Variants in MAGT1 observed in about 807,000 individuals in gnomAD.
MAGT1 encodes dolichyl-diphosphooligosaccharide--protein glycosyltransferase subunit MAGT1.
Under a neutral mutation model 28.4 loss-of-function variants are expected in MAGT1, and 4 were observed. That is an observed-to-expected ratio of 0.14 (90% confidence interval 0.07 to 0.32). MAGT1 has a LOEUF of 0.32. MAGT1 is among the 10% of genes least tolerant of loss of function. The probability of loss-of-function intolerance (pLI) is 1.00; values close to 1 mark genes in which losing one functional copy is unlikely to be tolerated. For missense variants in MAGT1, 193 were observed against 264.5 expected (o/e 0.73, Z 1.88); for synonymous variants, 89 against 89.7 (o/e 0.99, Z 0.04).
chrX:77,868,230 T>C lies in MAGT1; in HGVS notation c.390+2578A>G, dbSNP rs782249850. On this transcript the variant is annotated intron_variant, in intron 3 of 9. Coordinates refer to ENST00000618282, the MANE Select transcript of MAGT1 (RefSeq NM_001367916.1). ...CTTTTTCCTTTTATGTTTGATACAA[T>C]TGAGTAAAATATGTTCAAATATATG... is the stretch of plus-strand genomic sequence containing the variant. The C allele has an allele frequency of 5.9e-5, 4 of 67,606 alleles. 1 individual carries two copies. The East Asian group carries it at 1.8e-3, about 30-fold the overall frequency. The allele number at this position is 67,606 out of a possible 1,213,427, so 5.6% of individuals were successfully genotyped here.
chrX:77,856,947 G>A, intron 4 of MAGT1, 74 bp from the exon 5 acceptor site: 2 of 933,793 alleles, frequency 2.1e-6, no homozygotes, highest in African/African-American at 1.9e-5. Context: ...AATAAAATCT[G>A]AAATGAAAGC....
chrX:77,888,643 T>C (rs1005676866), intron 1 of MAGT1, among the ~76,000 whole-genome samples: 2 of 111,551 alleles, frequency 1.8e-5, no homozygotes, highest in Admixed American at 1.9e-4. Context: ...AAATGGAATA[T>C]AGGATCTATT....
At chrX:77,845,055 C>G (rs1280066188) in intron 7 of MAGT1, among the ~76,000 whole-genome samples, 1 of 110,795 alleles carries the variant, frequency 9.0e-6, no homozygotes, top group African/African-American at 3.3e-5. Flanking sequence ...GTTAAAGTCT[C>G]CCATTATTAT....
intron 7 of MAGT1, among the ~76,000 whole-genome samples, chrX:77,843,786 T>G (rs2076942318): frequency 8.9e-6 from 1 of 112,054 alleles, no homozygotes; most frequent in Admixed American, 9.6e-5. Flanking sequence ...CTGCACCCAT[T>G]AACTCGTCAT....
intron 3 of MAGT1, among the ~76,000 whole-genome samples, chrX:77,869,027 T>C (rs1242053533): frequency 1.8e-5 from 2 of 111,581 alleles, no homozygotes; most frequent in African/African-American, 6.5e-5. Flanking sequence ...GAAGATAACA[T>C]TGTAAAAACT....
intron 8 of MAGT1, among the ~76,000 whole-genome samples, chrX:77,838,381 C>G (rs1247010251): frequency 9.2e-6 from 1 of 109,103 alleles, no homozygotes; most frequent in Admixed American, 1.0e-4. Flanking sequence ...TGCTGGAGCC[C>G]AGGAGTTCGA....
chrX:77,854,104 T>C, intron 6 of MAGT1, 140 bp from the exon 7 acceptor site: 1 of 519,097 alleles, frequency 1.9e-6, no homozygotes, highest in Non-Finnish European at 3.5e-6. Context: ...TCTGTGGCAT[T>C]CATCAGTAAG....
intron 2 of MAGT1, among the ~76,000 whole-genome samples, chrX:77,874,608 A>AG (rs1427210244): frequency 9.3e-6 from 1 of 108,108 alleles, no homozygotes; most frequent in Non-Finnish European, 1.9e-5. Flanking sequence ...AAAAAAAAAA[A>AG]AAAGAAAATT....
At chrX:77,870,037 G>A (rs2077016718) in intron 3 of MAGT1, among the ~76,000 whole-genome samples, 1 of 111,800 alleles carries the variant, frequency 8.9e-6, no homozygotes, top group Non-Finnish European at 1.9e-5. Context: ...AAGAAAATGT[G>A]GTACATATAA....
intron 3 of MAGT1, among the ~76,000 whole-genome samples, chrX:77,858,167 G>C (rs940015769): frequency 2.1e-4 from 23 of 111,238 alleles, no homozygotes; most frequent in Non-Finnish European, 3.6e-4. Flanking sequence ...ATAGAGATTG[G>C]CTTGCACAAA....
At chrX:77,890,685 C>T (rs1201959600) in intron 1 of MAGT1, among the ~76,000 whole-genome samples, 1 of 112,115 alleles carries the variant, frequency 8.9e-6, no homozygotes, top group African/African-American at 3.2e-5. Flanking sequence ...AATATAATCT[C>T]ACTTTATTTT....
intron 3 of MAGT1, among the ~76,000 whole-genome samples, chrX:77,863,997 G>A (rs1030830943): frequency 3.6e-5 from 4 of 110,586 alleles, no homozygotes; most frequent in African/African-American, 1.3e-4. Flanking sequence ...TAGCCTGGGC[G>A]ACAGAGAAAG....
At chrX:77,864,711 A>AT (rs35275240) in intron 3 of MAGT1, among the ~76,000 whole-genome samples, 54,438 of 106,132 alleles carry the variant, frequency 0.51, 12,680 homozygotes, top group Non-Finnish European at 0.68. Flanking sequence ...TTAAAAAGCA[A>AT]TTTTTTTTTT....
intron 1 of MAGT1, among the ~76,000 whole-genome samples, chrX:77,891,804 A>G (rs2077083384): frequency 1.8e-5 from 2 of 111,792 alleles, no homozygotes; most frequent in Non-Finnish European, 3.8e-5. Flanking sequence ...AAATAAGTCC[A>G]CGTTCCAATG....
intron 2 of MAGT1, among the ~76,000 whole-genome samples, chrX:77,873,863 T>A (rs1603363358): frequency 1.8e-5 from 2 of 111,617 alleles, no homozygotes; most frequent in African/African-American, 6.5e-5. Context: ...CTTACCCCCC[T>A]CATCTAACTA....
chrX:77,856,198 G>T (rs2076981135), intron 5 of MAGT1, among the ~76,000 whole-genome samples: 1 of 111,337 alleles, frequency 9.0e-6, no homozygotes, highest in South Asian at 3.8e-4. Flanking sequence ...CACTTTGGGA[G>T]GCTGAGGTGG....
chrX:77,877,674 A>G (rs2077039190), intron 1 of MAGT1, among the ~76,000 whole-genome samples: 1 of 107,044 alleles, frequency 9.3e-6, no homozygotes, highest in South Asian at 4.1e-4. Flanking sequence ...TTAGCCAGGC[A>G]TGGTGGTGGG....
intron 4 of MAGT1, 95 bp downstream of exon 4, chrX:77,857,262 C>T (rs2076983600): frequency 1.9e-6 from 2 of 1,063,343 alleles, no homozygotes. Context: ...ACTAGTACCA[C>T]CTCAGTGATA....
At chrX:77,856,528 T>A in intron 5 of MAGT1, 1 of 399,307 alleles carries the variant, frequency 2.5e-6, no homozygotes, top group Non-Finnish European at 4.4e-6. Flanking sequence ...AAAAGGCAGG[T>A]ACAATCAGTT....
Sources: gnomAD v4.1 joint callset for allele counts (sites outside exome capture counted in the v4.1 genomes callset) on GRCh38, gnomAD v4.1.1 for gene constraint, MANE v1.5 for transcripts, NCBI Gene and HGNC (gene_info 2026-07-23, HGNC 2026-07-21) for gene names.